Variants in ESRP2 observed in about 807,000 individuals in gnomAD.
The protein encoded by ESRP2 is RNA binding motif protein 35A.
Under a neutral mutation model 78.6 loss-of-function variants are expected in ESRP2, and 48 were observed. The observed-to-expected ratio is 0.61, with a 90% CI of 0.48 to 0.78. The LOEUF is 0.78. Ranked by LOEUF, ESRP2 falls within the 30% of genes least tolerant of loss-of-function variation. ESRP2 has a pLI of 0.00. For synonymous variants in ESRP2, 383 were observed against 406.7 expected (o/e 0.94, Z 0.70); for missense variants, 863 against 965.9 (o/e 0.89, Z 1.41).
Position 68,234,005 on chromosome 16 carries a change from C to G in ESRP2, c.430G>C (p.Ala144Pro). 1 of 1,614,040 alleles carries G rather than the reference C, an allele frequency of 6.2e-7. No homozygotes were observed. The highest frequency in any genetic ancestry group is 8.5e-7 in the Non-Finnish European group (1 of 1,179,946). ...QLLRQVLHPE[A>P]SRKNLVLPDM... ...CTTCAGGAGCATACCTTCCTGGAGG[C>G]CTCGGGGTGCAGGACCTGTCGCAAT... Residue 144 changes from alanine (A) to proline (P), a missense_variant, in exon 3 of 15, where the codon GCC becomes CCC. Ala to Pro is a conservative substitution (Grantham distance 27, BLOSUM62 -1). Transcript: ENST00000473183.
intron 14 of ESRP2, 37 bp from the exon 15 acceptor site, chr16:68,230,352 G>A (rs766855318): frequency 6.2e-7 from 1 of 1,614,114 alleles, no homozygotes; most frequent in East Asian, 2.2e-5. Context: ...AGAGAGCTCA[G>A]CCAGACCCGC....
In ESRP2 at chr16:68,230,854, C is replaced by CT; in HGVS notation, c.1884dup (p.Ala629SerfsTer64). ...GCTGCAGGGTACCTTGGGTAGTAGG[C>CT]TGTGTAGTTCAGGTAGAGTTGAGTG... is the stretch of plus-strand genomic sequence containing the variant. On this transcript the variant is annotated frameshift_variant, in exon 13 of 15. Transcript: ENST00000473183. LOFTEE classifies it high-confidence loss of function. 6.2e-7 allele frequency: 1 copy of CT among 1,613,978 alleles called. No homozygotes were observed. The highest frequency in any genetic ancestry group is 8.5e-7 in the Non-Finnish European group (1 of 1,179,952).
In ESRP2 at chr16:68,236,003, G is replaced by T; in HGVS notation, c.43C>A (p.Pro15Thr). 1 of 1,554,150 alleles carries T rather than the reference G, an allele frequency of 6.4e-7. No individual in the cohort carries two copies. The highest frequency in any genetic ancestry group is 8.7e-7 in the Non-Finnish European group (1 of 1,153,294). ...GGGTCCGCGGCGGGGTCGGCCGCGG[G>T]GTCAGGGCCCGGGGGAGGGGGCGGC... ...PPPPPPPGPDPAADPAADPCP... is the reference protein window; with the variant it reads ...PPPPPPPGPDTAADPAADPCP... The change falls in exon 1 of 15, where the codon CCC becomes ACC. Residue 15 changes from proline (P) to threonine (T), a missense_variant. Physicochemically the swap from Pro to Thr is conservative, Grantham distance 38 (BLOSUM62 -1). Coordinates refer to ENST00000473183, the MANE Select transcript of ESRP2 (RefSeq NM_024939.3). This position sits in a 1 kb window ranked among gnomAD's most constrained non-coding sequence, Gnocchi z 5.2.
In ESRP2 at chr16:68,230,126, C is replaced by G. The variant is rs542441129; in HGVS notation, c.*100G>C. 1.7e-6 allele frequency: 2 copies of G among 1,150,066 alleles called. No individual in the cohort carries two copies. The allele number at this position is 1,150,066 out of a possible 1,614,324, so 71.2% of individuals were successfully genotyped here. A position where few individuals can be genotyped will look rare whatever the true frequency, so the allele number is the denominator to read the frequency against. The stretch of plus-strand genomic sequence containing the variant: ...GGTACCTTCTGAGAGCTTTGACAAG[C>G]CAGAAAGAAGCTACCAGGTTGAGGG... On this transcript the variant is annotated 3_prime_UTR_variant, in exon 15 of 15. Transcript: ENST00000473183.
Position 68,230,373 on chromosome 16 carries a change from G to A in ESRP2, c.2064+16C>T, listed in dbSNP as rs779842960. The A allele has an allele frequency of 1.4e-5, 23 of 1,614,008 alleles. 1 individual carries two copies. The highest frequency in any genetic ancestry group is 7.7e-5 in the South Asian group (7 of 91,066). On this transcript the variant is annotated intron_variant, in intron 14 of 14. Coordinates refer to ENST00000473183, the MANE Select transcript of ESRP2 (RefSeq NM_024939.3). Reference sequence around the variant, plus strand: ...CTCAGCCAGACCCGCCAGGCCCTCCGGCCACACAATCTCACCTGGTAGGCC... The same window carrying A: ...CTCAGCCAGACCCGCCAGGCCCTCCAGCCACACAATCTCACCTGGTAGGCC...
At position 68,232,243 on chromosome 16, in the gene ESRP2, C is replaced by G; in HGVS notation, c.997+3G>C. 6.2e-7 allele frequency: 1 copy of G among 1,614,154 alleles called. No homozygotes were observed. The highest frequency in any genetic ancestry group is 8.5e-7 in the Non-Finnish European group (1 of 1,180,014). ...AGCCAGGCCCTGTTTGCAGTATACT[C>G]ACCCCCTGCAATCTTTACAAACTCC... On this transcript the variant is annotated splice_donor_region_variant and intron_variant, in intron 9 of 14. Coordinates refer to ENST00000473183, the MANE Select transcript of ESRP2 (RefSeq NM_024939.3). The surrounding 1 kb of genome is among the most constrained non-coding windows in gnomAD (Gnocchi z 5.2).
chr16:68,230,803 G>T, intron 13 of ESRP2, 38 bp downstream of exon 13: 1 of 1,611,480 alleles, frequency 6.2e-7, no homozygotes, highest in South Asian at 1.1e-5. Flanking sequence ...GATTGGGACA[G>T]GGAGTGGGAC....
chr16:68,231,593 TAC>T lies in ESRP2; in HGVS notation c.1399_1400del (p.Val467ThrfsTer12), dbSNP rs770730276. 6.2e-7 allele frequency: 1 copy of T among 1,613,928 alleles called. No homozygotes were observed. Among genetic ancestry groups the T allele is most frequent in the Non-Finnish European group, 8.5e-7 (1 of 1,179,982 alleles). ...CCGTGTAGGGCAGGCCTCGGAGGCG[TAC>T]ACAGTCCCTCCCAGTCCCAGGTGCC... The part of the protein sequence containing the change: ...PLAPGTGRDC[V>X]RLRGLPYTAT... On this transcript the variant is annotated frameshift_variant, in exon 11 of 15. Coordinates refer to ENST00000473183, the MANE Select transcript of ESRP2 (RefSeq NM_024939.3). LOFTEE classifies it high-confidence loss of function. The surrounding 1 kb of genome is among the most constrained non-coding windows in gnomAD (Gnocchi z 6.0).
chr16:68,231,756 C>G lies in ESRP2; in HGVS notation c.1299+46G>C, dbSNP rs977727258. ...GTAGGGCAGGGACACAGAGGGCCGC[C>G]CTGGAGTAACAGTACATCTGGGGGT... On this transcript the variant is annotated intron_variant, in intron 10 of 14. Coordinates refer to ENST00000473183, the MANE Select transcript of ESRP2 (RefSeq NM_024939.3). The surrounding 1 kb of genome is among the most constrained non-coding windows in gnomAD (Gnocchi z 6.0). The G allele has an allele frequency of 1.9e-6, 3 of 1,597,670 alleles. No homozygotes were observed. The highest frequency in any genetic ancestry group is 2.6e-6 in the Non-Finnish European group (3 of 1,169,258).
At position 68,235,554 on chromosome 16, in the gene ESRP2, C is replaced by T. The variant is rs1596931054; in HGVS notation, c.327+80G>A. 6.4e-7 allele frequency: 1 copy of T among 1,562,312 alleles called. No individual in the cohort carries two copies. Among genetic ancestry groups the T allele is most frequent in the Admixed American group, 1.8e-5 (1 of 55,552 alleles). ...CCTGGACCGGTTGGTTGCGGCACGC[C>T]AGGCCTAGCCTCCGGCCGCCAATCC... On this transcript the variant is annotated intron_variant, in intron 2 of 14. Coordinates refer to ENST00000473183, the MANE Select transcript of ESRP2 (RefSeq NM_024939.3). The surrounding 1 kb of genome is among the most constrained non-coding windows in gnomAD (Gnocchi z 5.5).
Position 68,231,665 on chromosome 16 carries a change from G to A in ESRP2, c.1329C>T (p.Leu443=). Reference sequence around the variant, plus strand: ...GCAGTGGGGCAGTCAGTGTAGGAAGGAGTGGGCCGGATGCATAGCGGTTCA... The same window carrying A: ...GCAGTGGGGCAGTCAGTGTAGGAAGAAGTGGGCCGGATGCATAGCGGTTCA... The part of the protein sequence containing the change: ...QVLNRYASGP[L]LPTLTAPLLP... The change falls in exon 11 of 15, where the codon CTC becomes CTT. Residue 443 remains leucine, a synonymous_variant. Coordinates refer to ENST00000473183, the MANE Select transcript of ESRP2 (RefSeq NM_024939.3). The surrounding 1 kb of genome is among the most constrained non-coding windows in gnomAD (Gnocchi z 6.0). 1 of 1,612,020 alleles carries A rather than the reference G, an allele frequency of 6.2e-7. No individual in the cohort carries two copies. Among genetic ancestry groups the A allele is most frequent in the South Asian group, 1.1e-5 (1 of 90,914 alleles).
Position 68,231,886 on chromosome 16 carries a change from T to C in ESRP2, c.1215A>G (p.Ala405=). 3.7e-6 allele frequency: 6 copies of C among 1,613,980 alleles called. No individual in the cohort carries two copies. The highest frequency in any genetic ancestry group is 4.2e-6 in the Non-Finnish European group (5 of 1,179,992). ...CCTTGTGCCTGCGCAGTGCAGCCTG[T>C]GCCAGCTCCTCACAAGCAAAGAGGG... ...AFALFACEEL[A]QAALRRHKGM... Residue 405 remains alanine (A), a synonymous_variant, in exon 10 of 15, where the codon GCA becomes GCG. Transcript: ENST00000473183. This position sits in a 1 kb window ranked among gnomAD's most constrained non-coding sequence, Gnocchi z 6.0.
At position 68,235,004 on chromosome 16, in the gene ESRP2, A is replaced by T. The variant is rs2042203584; in HGVS notation, c.327+630T>A. 1 of 417,128 alleles carries T rather than the reference A, an allele frequency of 2.4e-6. No individual in the cohort carries two copies. The highest frequency in any genetic ancestry group is 3.2e-6 in the Non-Finnish European group (1 of 310,550). 25.8% of individuals were successfully genotyped at this position (417,128 alleles called of 1,614,324 possible). On this transcript the variant is annotated intron_variant, in intron 2 of 14. Transcript: ENST00000473183. This position sits in a 1 kb window ranked among gnomAD's most constrained non-coding sequence, Gnocchi z 5.5. ...ACATAGAATGAGCGCCGTAGTGAAG[A>T]TAAGGAAAAGAAAACAGCAATGGAA...
Position 68,235,542 on chromosome 16 carries a change from G to A in ESRP2, c.327+92C>T, listed in dbSNP as rs921990042. ...CCAGTCCTGCCGCCTGGACCGGTTG[G>A]TTGCGGCACGCCAGGCCTAGCCTCC... is the stretch of plus-strand genomic sequence containing the variant. On this transcript the variant is annotated intron_variant, in intron 2 of 14. Coordinates refer to ENST00000473183, the MANE Select transcript of ESRP2 (RefSeq NM_024939.3). This position sits in a 1 kb window ranked among gnomAD's most constrained non-coding sequence, Gnocchi z 5.5. The A allele has an allele frequency of 6.5e-7, 1 of 1,532,014 alleles. No individual in the cohort carries two copies. Among genetic ancestry groups the A allele is most frequent in the South Asian group, 1.2e-5 (1 of 81,086 alleles). The allele number at this position is 1,532,014 out of a possible 1,614,324, so 94.9% of individuals were successfully genotyped here. A position where few individuals can be genotyped will look rare whatever the true frequency, so the allele number is the denominator to read the frequency against.
chr16:68,231,100 C>A lies in ESRP2; in HGVS notation c.1712-73G>T, dbSNP rs1364441243. On this transcript the variant is annotated intron_variant, in intron 12 of 14. Transcript: ENST00000473183. This position sits in a 1 kb window ranked among gnomAD's most constrained non-coding sequence, Gnocchi z 6.0. ...CTGGGTGGGGTAGCCAGAAAGGAGT[C>A]CCCGCTATAGAAGGTAGGGGCTTAC... The A allele has an allele frequency of 1.2e-6, 2 of 1,601,072 alleles. No homozygotes were observed. Among genetic ancestry groups the A allele is most frequent in the East Asian group, 2.2e-5 (1 of 44,694 alleles).
chr16:68,232,042 C>A lies in ESRP2; in HGVS notation c.1059G>T (p.Arg353=), dbSNP rs1222500241. 8 of 1,614,036 alleles carry A rather than the reference C, an allele frequency of 5.0e-6. No homozygotes were observed. Among genetic ancestry groups the A allele is most frequent in the Non-Finnish European group, 6.8e-6 (8 of 1,179,990 alleles). ...SREDQVILRL[R]GLPFSAGPTD... ...TTGGCCCAGCCGAGAAGGGCAGTCCCCGCAGCCGCAGGATCACTTGGTCTT... is the reference window on the plus strand; with the variant it reads ...TTGGCCCAGCCGAGAAGGGCAGTCCACGCAGCCGCAGGATCACTTGGTCTT... The change falls in exon 10 of 15, where the codon CGG becomes CGT. Residue 353 remains arginine (R), a synonymous_variant. Transcript: ENST00000473183. The surrounding 1 kb of genome is among the most constrained non-coding windows in gnomAD (Gnocchi z 5.2).
rs1428422396 is a variant in ESRP2, at chr16:68,232,673, A to G, written c.725T>C (p.Val242Ala). The G allele has an allele frequency of 8.1e-6, 13 of 1,614,020 alleles. No individual in the cohort carries two copies. The highest frequency in any genetic ancestry group is 1.1e-5 in the Non-Finnish European group (13 of 1,180,008). ...YETGPCSKAD[V>A]VDSETVVRAR... is the part of the protein sequence containing the mutation. ...CCGTACCACAGTCTCACTGTCCACC[A>G]CATCAGCCTTGCTGCTGTAGGGGCA... The change falls in exon 7 of 15, where the codon GTG (valine) becomes GCG (alanine). Residue 242 changes from valine (V) to alanine (A), a missense_variant. Transcript: ENST00000473183. The surrounding 1 kb of genome is among the most constrained non-coding windows in gnomAD (Gnocchi z 5.2).
In ESRP2 at chr16:68,232,747, G is replaced by C; in HGVS notation, c.710+14C>G. 1 of 1,614,232 alleles carries C rather than the reference G, an allele frequency of 6.2e-7. No homozygotes were observed. Among genetic ancestry groups the C allele is most frequent in the Non-Finnish European group, 8.5e-7 (1 of 1,180,044 alleles). On this transcript the variant is annotated intron_variant, in intron 6 of 14. Transcript: ENST00000473183. This position sits in a 1 kb window ranked among gnomAD's most constrained non-coding sequence, Gnocchi z 5.2. ...TCAGCTGTTGTCACCCCCAGCCCCT[G>C]CTCCCACACTCACCAAGGCCCCGTC...
At position 68,232,819 on chromosome 16, in the gene ESRP2, A is replaced by G. The variant is rs145320998; in HGVS notation, c.656-4T>C. 308 of 1,613,180 alleles carry G rather than the reference A, an allele frequency of 1.9e-4. No individual in the cohort carries two copies. The East Asian group carries it at 6.5e-3, about 34-fold the overall frequency. ...TCGGGCTTCGAAAACAATTGACCTG[A>G]GAAAAGATGGCCTGGGGGTCAGCAG... On this transcript the variant is annotated splice_region_variant and splice_polypyrimidine_tract_variant and intron_variant, in intron 5 of 14. Coordinates refer to ENST00000473183, the MANE Select transcript of ESRP2 (RefSeq NM_024939.3). This position sits in a 1 kb window ranked among gnomAD's most constrained non-coding sequence, Gnocchi z 5.2.
Sources: allele counts gnomAD v4.1 joint callset, GRCh38; gene constraint gnomAD v4.1.1; non-coding constraint Gnocchi (gnomAD v3.1); transcripts MANE v1.5; gene names NCBI Gene and HGNC (gene_info 2026-07-23, HGNC 2026-07-21).